The following CLPX variants were observed in gnomAD, a reference collection of about 807,000 sequenced individuals.
CLPX encodes the protein caseinolytic mitochondrial matrix peptidase chaperone subunit X.
A neutral mutation model predicts 76.4 loss-of-function variants in CLPX; 34 were observed. The ratio of observed to expected loss-of-function variants is 0.45; its 90% CI spans 0.34 to 0.59. The LOEUF is 0.59. CLPX is among the 20% of genes least tolerant of loss of function. The pLI is 0.01. For missense variants in CLPX, 613 were observed against 757.0 expected, an observed-to-expected ratio of 0.81 and a Z score of 2.23; for synonymous variants, 248 against 270.9, an observed-to-expected ratio of 0.92 and a Z score of 0.83.
intron 1 of CLPX, among the ~76,000 whole-genome samples, chr15:65,181,749 AAAATAAATAAATAAAT>A (rs10605280): frequency 0.012 from 1,620 of 137,992 alleles, 9 homozygotes; most frequent in Non-Finnish European, 0.015. Flanking sequence ...GCTCTGTCGC[AAAATAAATAAATAAAT>A]AAATAAATAA....
chr15:65,177,606 C>G (rs951373789), intron 3 of CLPX, among the ~76,000 whole-genome samples: 3 of 152,166 alleles, frequency 2.0e-5, no homozygotes, highest in African/African-American at 4.8e-5. Context: ...TGAAGTCTTA[C>G]AATCTTGAAG....
rs1047339960 is a variant in CLPX, at chr15:65,148,920, C to T, written c.*1903G>A. Reference sequence around the variant, plus strand: ...ATTTTCATTAAGACCCCAAATATCCCACCACTTTTTAGCTTTGCTGTATAA... The same window carrying T: ...ATTTTCATTAAGACCCCAAATATCCTACCACTTTTTAGCTTTGCTGTATAA... On this transcript the variant is annotated 3_prime_UTR_variant, in exon 14 of 14. Coordinates refer to ENST00000300107, the MANE Select transcript of CLPX (RefSeq NM_006660.5). The T allele has an allele frequency of 2.0e-5, 3 of 152,068 alleles. No individual in the cohort carries two copies. The highest frequency in any genetic ancestry group is 7.2e-5 in the African/African-American group (3 of 41,416). 9.4% of individuals were successfully genotyped at this position (152,068 alleles called of 1,614,324 possible).
At chr15:65,161,530 C>A (rs966110593) in intron 6 of CLPX, among the ~76,000 whole-genome samples, 2 of 152,160 alleles carry the variant, frequency 1.3e-5, no homozygotes, top group Admixed American at 6.5e-5. Context: ...TTCTTAAATA[C>A]TGTTACTTGT....
chr15:65,161,556 A>T lies in CLPX; in HGVS notation c.715+1048T>A, dbSNP rs547724580. Among the ~76,000 whole-genome samples the T allele has an allele frequency of 2.0e-3, 306 of 152,346 alleles. 1 individual carries two copies. Among genetic ancestry groups the T allele is most frequent in the African/African-American group, 6.5e-3 (271 of 41,580 alleles). ...TGTTACTTGTTAACATTTAAATAAC[A>T]TTAAATCACTACATATATTACATGA... On this transcript the variant is annotated intron_variant, in intron 6 of 13. Coordinates refer to ENST00000300107, the MANE Select transcript of CLPX (RefSeq NM_006660.5).
chr15:65,178,964 C>T lies in CLPX; in HGVS notation c.328G>A (p.Asp110Asn), dbSNP rs769111203. The change falls in exon 3 of 14, where the codon GAC becomes AAC. Residue 110 changes from aspartate to asparagine, a missense_variant. Coordinates refer to ENST00000300107, the MANE Select transcript of CLPX (RefSeq NM_006660.5). ...AAGGTCTCTACATGTGTGCACAAGT[C>T]GCCACATTTAGGACAGCGCAGCTGG... ...GNQLRCPKCG[D>N]LCTHVETFVS... The T allele has an allele frequency of 1.1e-5, 18 of 1,608,142 alleles. No homozygotes were observed. Among genetic ancestry groups the T allele is most frequent in the Middle Eastern group, 1.7e-4 (1 of 6,040 alleles).
Position 65,155,757 on chromosome 15 carries a change from G to T in CLPX, c.1246C>A (p.Leu416Met), listed in dbSNP as rs1255974750. Residue 416 changes from leucine to methionine, a missense_variant, in exon 10 of 14, where the codon CTG (leucine) becomes ATG (methionine). Coordinates refer to ENST00000300107, the MANE Select transcript of CLPX (RefSeq NM_006660.5). ...ETVQVDTTNI[L>M]FVASGAFNGL... ...TTGAAAGCACCAGATGCCACAAACA[G>T]GATGTTTGTTGTATCAACTTGAACT... The T allele has an allele frequency of 6.2e-7, 1 of 1,613,440 alleles. No individual in the cohort carries two copies. Among genetic ancestry groups the T allele is most frequent in the Non-Finnish European group, 8.5e-7 (1 of 1,179,404 alleles).
chr15:65,166,896 T>C (rs2087922099), intron 3 of CLPX, 111 bp from the exon 4 acceptor site: 1 of 1,050,100 alleles, frequency 9.5e-7, no homozygotes, highest in Non-Finnish European at 1.4e-6. Flanking sequence ...AAAAGTAGAC[T>C]TGCTGTTCAA....
At chr15:65,160,674 A>G (rs1364814196) in intron 6 of CLPX, among the ~76,000 whole-genome samples, 1 of 151,776 alleles carries the variant, frequency 6.6e-6, no homozygotes, top group African/African-American at 2.4e-5. Flanking sequence ...AGATGAATAA[A>G]TGAACAAAAT....
intron 9 of CLPX, chr15:65,156,640 A>C: frequency 2.1e-6 from 1 of 471,220 alleles, no homozygotes; most frequent in Middle Eastern, 3.1e-4. Flanking sequence ...AAATATTTTA[A>C]ATTTCCTAAC....
intron 3 of CLPX, among the ~76,000 whole-genome samples, chr15:65,172,776 A>G (rs1954141301): frequency 1.3e-5 from 2 of 152,246 alleles, no homozygotes; most frequent in South Asian, 4.1e-4. Context: ...CCCAGGAGGT[A>G]GCACAAAAAT....
At chr15:65,182,117 T>C (rs1472626024) in intron 1 of CLPX, among the ~76,000 whole-genome samples, 3 of 112,538 alleles carry the variant, frequency 2.7e-5, no homozygotes, top group Non-Finnish European at 3.4e-5. Flanking sequence ...AGTCTCCGTC[T>C]CAAAAAAAAA....
chr15:65,184,074 G>C (rs993260803), intron 1 of CLPX, among the ~76,000 whole-genome samples: 2 of 152,118 alleles, frequency 1.3e-5, no homozygotes, highest in East Asian at 1.9e-4. Flanking sequence ...AAAGAAACTG[G>C]AAGATATATT....
intron 6 of CLPX, among the ~76,000 whole-genome samples, chr15:65,159,771 C>T (rs2087829888): frequency 2.0e-5 from 3 of 151,110 alleles, no homozygotes; most frequent in Admixed American, 2.0e-4. Context: ...TCACAACATA[C>T]TTGTTTATAT....
Position 65,148,806 on chromosome 15 carries a change from T to TA in CLPX, c.*2016dup, listed in dbSNP as rs1566977002. ...TTCAAATGAGATTAAACTGAATGAATATAGAACTTGTACCACCATTATAGA... is the reference window on the plus strand; with the variant it reads ...TTCAAATGAGATTAAACTGAATGAATAATAGAACTTGTACCACCATTATAGA... On this transcript the variant is annotated 3_prime_UTR_variant, in exon 14 of 14. Coordinates refer to ENST00000300107, the MANE Select transcript of CLPX (RefSeq NM_006660.5). 1 of 151,372 alleles carries TA rather than the reference T, an allele frequency of 6.6e-6. No individual in the cohort carries two copies. Among genetic ancestry groups the TA allele is most frequent in the African/African-American group, 2.4e-5 (1 of 41,290 alleles). 9.4% of individuals were successfully genotyped at this position (151,372 alleles called of 1,614,324 possible).
At position 65,152,101 on chromosome 15, in the gene CLPX, T is replaced by C. The variant is rs554700049; in HGVS notation, c.1811+329A>G. 5.6e-3 allele frequency among the ~76,000 whole-genome samples: 847 copies of C among 152,202 alleles called. 5 individuals carry two copies. Among genetic ancestry groups the C allele is most frequent in the Middle Eastern group, 0.01 (3 of 292 alleles). On this transcript the variant is annotated intron_variant, in intron 13 of 13. Coordinates refer to ENST00000300107, the MANE Select transcript of CLPX (RefSeq NM_006660.5). ...CACACCACCACGCCCAGCTAATTTTTGTATTTTTAGTAGAGACAGAGTTTC... is the reference window on the plus strand; with the variant it reads ...CACACCACCACGCCCAGCTAATTTTCGTATTTTTAGTAGAGACAGAGTTTC...
chr15:65,161,555 C>T (rs1216106699), intron 6 of CLPX, among the ~76,000 whole-genome samples: 3 of 152,192 alleles, frequency 2.0e-5, no homozygotes, highest in Non-Finnish European at 4.4e-5. Flanking sequence ...ATTTAAATAA[C>T]ATTAAATCAC....
At chr15:65,183,581 GAGAAA>G (rs1039398522) in intron 1 of CLPX, among the ~76,000 whole-genome samples, 6 of 149,174 alleles carry the variant, frequency 4.0e-5, no homozygotes, top group South Asian at 2.1e-4. Context: ...AGGAAGGAAG[GAGAAA>G]AGAAAAGAAA....
At chr15:65,180,719 T>C (rs555131214) in intron 1 of CLPX, among the ~76,000 whole-genome samples, 4 of 151,948 alleles carry the variant, frequency 2.6e-5, no homozygotes, top group African/African-American at 9.7e-5. Context: ...CTGGCCAACA[T>C]GGTGAAACCC....
chr15:65,178,853 A>T, intron 3 of CLPX, 81 bp downstream of exon 3: 1 of 777,330 alleles, frequency 1.3e-6, no homozygotes, highest in South Asian at 2.0e-5. Flanking sequence ...TATACATTTT[A>T]CATAATTTAC....
Sources: gnomAD v4.1 joint callset for allele counts (sites outside exome capture counted in the v4.1 genomes callset) on GRCh38, gnomAD v4.1.1 for gene constraint, MANE v1.5 for transcripts, NCBI Gene and HGNC (gene_info 2026-07-23, HGNC 2026-07-21) for gene names.